The following MRPL2 variants were observed in gnomAD, a reference collection of about 807,000 sequenced individuals.
MRPL2 encodes mitochondrial ribosomal protein L2, also known as large ribosomal subunit protein uL2m.
A neutral mutation model predicts 34.6 loss-of-function variants in MRPL2; 27 were observed. The ratio of observed to expected loss-of-function variants is 0.78; its 90% CI spans 0.58 to 1.08. MRPL2 has a LOEUF of 1.08. Among genes scored for constraint, MRPL2 ranks in the 50% least tolerant of loss-of-function variants. MRPL2 has a pLI of 0.00. For missense variants in MRPL2, 414 were observed against 419.3 expected (o/e 0.99, Z 0.11); for synonymous variants, 155 against 158.0 (o/e 0.98, Z 0.14).
At chr6:43,059,043 AC>A in intron 1 of MRPL2, 1 of 1,247,746 alleles carries the variant, frequency 8.0e-7, no homozygotes, top group Non-Finnish European at 1.1e-6. Context: ...AAACGTTATT[AC>A]TGAAACCTGC....
At chr6:43,058,999 C>T in intron 1 of MRPL2, 1 of 761,572 alleles carries the variant, frequency 1.3e-6, no homozygotes. Context: ...TTTGAAACGT[C>T]TATTACCTAT....
chr6:43,055,663 T>C (rs761568514), intron 5 of MRPL2, 45 bp from the exon 6 acceptor site: 10 of 1,607,628 alleles, frequency 6.2e-6, no homozygotes, highest in South Asian at 1.1e-5. Flanking sequence ...AACAGGGGGG[T>C]GCAGAGGGAC....
intron 2 of MRPL2, 195 bp downstream of exon 2, chr6:43,057,870 G>A (rs1358833288): frequency 1.8e-6 from 1 of 555,074 alleles, no homozygotes; most frequent in African/African-American, 1.9e-5. Flanking sequence ...GTCTTTAGAA[G>A]CATAGACCAA....
chr6:43,058,030 T>A, intron 2 of MRPL2, 35 bp downstream of exon 2: 1 of 1,608,960 alleles, frequency 6.2e-7, no homozygotes, highest in Non-Finnish European at 8.5e-7. Flanking sequence ...TGTTTTTCCT[T>A]TTGACTGCTT....
intron 2 of MRPL2, 48 bp downstream of exon 2, chr6:43,058,017 A>C (rs564026898): frequency 1.3e-6 from 2 of 1,597,464 alleles, no homozygotes; most frequent in African/African-American, 1.3e-5. Context: ...TAGGGTCTTA[A>C]CATGTTTTTC....
rs774220096 is a variant in MRPL2, at chr6:43,055,943, G to A, written c.585C>T (p.Asn195=). 6 of 1,614,018 alleles carry A rather than the reference G, an allele frequency of 3.7e-6. No homozygotes were observed. The highest frequency in any genetic ancestry group is 2.2e-5 in the East Asian group (1 of 44,878). ...GALPVGTLIN[N]VESEPGRGAQ... The stretch of plus-strand genomic sequence containing the variant: ...CACCCCGGCCTGGCTCACTTTCCAC[G>A]TTGTTGATGAGGGTCCCCACAGGCA... The change falls in exon 5 of 7, where the codon AAC becomes AAT. Residue 195 remains asparagine, a synonymous_variant. Transcript: ENST00000388752.
At chr6:43,058,421 T>C (rs570818113) in intron 1 of MRPL2, among the ~76,000 whole-genome samples, 188 bp from the exon 2 acceptor site, 1 of 152,318 alleles carries the variant, frequency 6.6e-6, no homozygotes, top group South Asian at 2.1e-4. Flanking sequence ...GGTGATCTCC[T>C]TCCAAATTTG....
chr6:43,054,336 T>A lies in MRPL2; in HGVS notation c.856A>T (p.Ile286Phe), dbSNP rs749144020. Residue 286 changes from isoleucine (I) to phenylalanine (F), a missense_variant, in exon 7 of 7, where the codon ATT (isoleucine) becomes TTT (phenylalanine). Transcript: ENST00000388752. Reference sequence around the variant, plus strand: ...CTCTTCATGGGGGGTAGTGGCCGAATCTTTCGGCCAGCCCAGCCCCCCTTG... The same window carrying A: ...CTCTTCATGGGGGGTAGTGGCCGAAACTTTCGGCCAGCCCAGCCCCCCTTG... The part of the protein sequence containing the change: ...HRKGGWAGRK[I>F]RPLPPMKSYV... 6.2e-7 allele frequency: 1 copy of A among 1,612,980 alleles called. No homozygotes were observed. Among genetic ancestry groups the A allele is most frequent in the Non-Finnish European group, 8.5e-7 (1 of 1,179,906 alleles).
At chr6:43,058,872 T>TG (rs1764979913) in intron 1 of MRPL2, among the ~76,000 whole-genome samples, 1 of 152,236 alleles carries the variant, frequency 6.6e-6, no homozygotes, top group South Asian at 2.1e-4. Flanking sequence ...GCACAGGCTC[T>TG]GAAAGACAGA....
At chr6:43,059,478 G>A (rs569455097), upstream of MRPL2, 220 of 1,452,592 alleles carry the variant, frequency 1.5e-4, no homozygotes, top group Middle Eastern at 2.5e-4. Flanking sequence ...AAAGGAGGCG[G>A]GCAGAAAACT....
At position 43,056,283 on chromosome 6, in the gene MRPL2, C is replaced by T. The variant is rs115771623; in HGVS notation, c.404+24G>A. ...TATGGAGTTATTCAGACCATTCCATCATCATCCCACATCCCAAACTTGCCT... is the reference window on the plus strand; with the variant it reads ...TATGGAGTTATTCAGACCATTCCATTATCATCCCACATCCCAAACTTGCCT... On this transcript the variant is annotated intron_variant, in intron 3 of 6. Coordinates refer to ENST00000388752, the MANE Select transcript of MRPL2 (RefSeq NM_015950.5). The T allele has an allele frequency of 7.5e-4, 1,208 of 1,614,162 alleles. 5 individuals carry two copies. The African/African-American group carries it at 0.014, about 18-fold the overall frequency.
At chr6:43,059,029 C>G in intron 1 of MRPL2, 1 of 1,110,888 alleles carries the variant, frequency 9.0e-7, no homozygotes, top group Non-Finnish European at 1.3e-6. Context: ...ATCATAGGCA[C>G]TCGAAACGTT....
chr6:43,056,490 T>C (rs559151250), intron 2 of MRPL2, 45 bp from the exon 3 acceptor site: 1 of 1,611,738 alleles, frequency 6.2e-7, no homozygotes, highest in Admixed American at 1.7e-5. Flanking sequence ...GTCAGAGTAG[T>C]TTAGTTTCCA....
Position 43,059,375 on chromosome 6 carries a change from G to A in MRPL2, c.7C>T (p.Leu3=), listed in dbSNP as rs372954073. The change falls in exon 1 of 7, where the codon CTG becomes TTG. Residue 3 remains leucine (L), a synonymous_variant. Transcript: ENST00000388752. The part of the protein sequence containing the change: MA[L]CALTRALRSL... ...CGCAGAGCGCGGGTCAGTGCGCACA[G>A]GGCCATCAGCACGACACCCTTACTT... 47 of 1,549,642 alleles carry A rather than the reference G, an allele frequency of 3.0e-5. No homozygotes were observed. In the East Asian group the frequency reaches 1.0e-3, roughly 33 times the overall value.
chr6:43,055,769 A>G lies in MRPL2; in HGVS notation c.631+128T>C, dbSNP rs536415609. 25 of 1,216,748 alleles carry G rather than the reference A, an allele frequency of 2.1e-5. No individual in the cohort carries two copies. The East Asian group carries it at 4.4e-4, about 21-fold the overall frequency. The allele number at this position is 1,216,748 out of a possible 1,614,324, so 75.4% of individuals were successfully genotyped here. A position where few individuals can be genotyped will look rare whatever the true frequency, so the allele number is the denominator to read the frequency against. On this transcript the variant is annotated intron_variant, in intron 5 of 6. Transcript: ENST00000388752. The stretch of plus-strand genomic sequence containing the variant: ...CATGCTATGTTTTAGGTAAAAACAC[A>G]TGCATATCTTCATCCTCATGTTTGT...
At chr6:43,055,402 CCT>C in intron 6 of MRPL2, 141 bp downstream of exon 6, 1 of 756,874 alleles carries the variant, frequency 1.3e-6, no homozygotes, top group South Asian at 1.7e-5. Flanking sequence ...ACAAAGCACA[CCT>C]GAGTCATGTG....
chr6:43,055,232 C>A (rs974272111), intron 6 of MRPL2, among the ~76,000 whole-genome samples: 3 of 150,368 alleles, frequency 2.0e-5, no homozygotes, highest in African/African-American at 7.4e-5. Context: ...TGTGGTGGTG[C>A]GTGCCTGCAA....
At chr6:43,055,656 A>G (rs1388886801) in intron 5 of MRPL2, 38 bp from the exon 6 acceptor site, 31 of 1,608,568 alleles carry the variant, frequency 1.9e-5, no homozygotes, top group Non-Finnish European at 2.6e-5. Flanking sequence ...TCCACAAAAC[A>G]GGGGGGTGCA....
Position 43,056,459 on chromosome 6 carries a change from C to T in MRPL2, c.266-14G>A. 1.2e-6 allele frequency: 2 copies of T among 1,614,010 alleles called. No homozygotes were observed. The highest frequency in any genetic ancestry group is 2.7e-5 in the African/African-American group (2 of 75,010). The stretch of plus-strand genomic sequence containing the variant: ...CCCGGATTCGGCCTGTGGTTTAGGA[C>T]AGTTGGGGGATATGATTCAGGTCAG... On this transcript the variant is annotated splice_polypyrimidine_tract_variant and intron_variant, in intron 2 of 6. Transcript: ENST00000388752.
Sources: allele counts gnomAD v4.1 joint callset (sites outside exome capture counted in the v4.1 genomes callset), GRCh38; gene constraint gnomAD v4.1.1; transcripts MANE v1.5; gene names NCBI Gene and HGNC (gene_info 2026-07-23, HGNC 2026-07-21).